The following TRIM33 variants were observed in gnomAD, a reference collection of about 807,000 sequenced individuals.
TRIM33 encodes the protein E3 ubiquitin-protein ligase TRIM33.
TRIM33 carries 20 observed loss-of-function variants against 125.4 expected under a neutral mutation model. The observed-to-expected ratio is 0.16, with a 90% confidence interval of 0.11 to 0.23. The LOEUF (loss-of-function observed/expected upper bound fraction) is 0.23. TRIM33 is among the 10% of genes least tolerant of loss of function. The pLI, the probability that TRIM33 is intolerant of heterozygous loss-of-function variation, is 1.00. For synonymous variants in TRIM33, 564 were observed against 513.9 expected, an observed-to-expected ratio of 1.10 and a Z score of -1.32; for missense variants, 920 against 1,411.4, an observed-to-expected ratio of 0.65 and a Z score of 5.58.
rs1651601833 is a variant in TRIM33, at chr1:114,397,535, C to A, written c.*113G>T. On this transcript the variant is annotated 3_prime_UTR_variant, in exon 20 of 20. Coordinates refer to ENST00000358465, the MANE Select transcript of TRIM33 (RefSeq NM_015906.4). ...AGCTATCAGCTTCTTCAAGGAGGTG[C>A]CCACTGTAGGCAGGATATTCCAGCA... 4 of 715,856 alleles carry A rather than the reference C, an allele frequency of 5.6e-6. No individual in the cohort carries two copies. The allele number at this position is 715,856 out of a possible 1,614,324, so 44.3% of individuals were successfully genotyped here.
In TRIM33 at chr1:114,430,866, T is replaced by C; in HGVS notation, c.1087A>G (p.Lys363Glu). The change falls in exon 6 of 20, where the codon AAA becomes GAA. Residue 363 changes from lysine to glutamate, a missense_variant. Coordinates refer to ENST00000358465, the MANE Select transcript of TRIM33 (RefSeq NM_015906.4). ...TTGATAAGGGTGAAAATGGCCACTT[T>C]AATTTCCTGTTCTACTCGTTTGTTA... is the stretch of plus-strand genomic sequence containing the variant. ...ETNKRVEQEI[K>E]VAIFTLINEI... 1.2e-6 allele frequency: 2 copies of C among 1,609,900 alleles called. No individual in the cohort carries two copies. Among genetic ancestry groups the C allele is most frequent in the Non-Finnish European group, 1.7e-6 (2 of 1,176,352 alleles).
chr1:114,422,196 T>A (rs750678052), intron 10 of TRIM33, among the ~76,000 whole-genome samples: 3 of 152,188 alleles, frequency 2.0e-5, no homozygotes, highest in African/African-American at 7.2e-5. Flanking sequence ...TAAGACAATA[T>A]AGAAGAAAAT....
intron 1 of TRIM33, among the ~76,000 whole-genome samples, chr1:114,470,171 A>G (rs912465329): frequency 6.6e-6 from 1 of 152,208 alleles, no homozygotes; most frequent in Non-Finnish European, 1.5e-5. Context: ...GAAGTTATAC[A>G]GGAATATCTT....
At chr1:114,413,046 T>A (rs1413321530) in intron 11 of TRIM33, among the ~76,000 whole-genome samples, 1 of 152,230 alleles carries the variant, frequency 6.6e-6, no homozygotes, top group Non-Finnish European at 1.5e-5. Flanking sequence ...ATTTTAGCCA[T>A]CCTAATAAGT....
chr1:114,485,001 G>A (rs527901621), intron 1 of TRIM33, among the ~76,000 whole-genome samples: 2 of 150,936 alleles, frequency 1.3e-5, no homozygotes, highest in Non-Finnish European at 3.0e-5. Context: ...GCAGTGAGCC[G>A]AGATCACACC....
intron 4 of TRIM33, among the ~76,000 whole-genome samples, chr1:114,449,455 T>A (rs1360120684): frequency 6.6e-6 from 1 of 152,038 alleles, no homozygotes; most frequent in African/African-American, 2.4e-5. Context: ...CTCTCTTGGG[T>A]AACAGAAAAA....
chr1:114,485,429 T>G (rs1032016561), intron 1 of TRIM33, among the ~76,000 whole-genome samples: 3 of 152,128 alleles, frequency 2.0e-5, no homozygotes, highest in African/African-American at 7.2e-5. Flanking sequence ...TTCTTATCCC[T>G]TTGCCTGGTA....
chr1:114,445,606 C>T (rs1212929220), intron 4 of TRIM33, among the ~76,000 whole-genome samples: 1 of 151,924 alleles, frequency 6.6e-6, no homozygotes, highest in African/African-American at 2.4e-5. Flanking sequence ...TCAGCGAACG[C>T]CACAGAGGAT....
In TRIM33 at chr1:114,511,114, C is replaced by A. The variant is rs1011123191; in HGVS notation, c.-38G>T. On this transcript the variant is annotated 5_prime_UTR_variant, in exon 1 of 20. Coordinates refer to ENST00000358465, the MANE Select transcript of TRIM33 (RefSeq NM_015906.4). ...GAACCCGCCGGACCGCCCCGCGCCG[C>A]CCGCCGCCCGCGTCGCCGCCGCCGC... 4 of 1,133,740 alleles carry A rather than the reference C, an allele frequency of 3.5e-6. No individual in the cohort carries two copies. The highest frequency in any genetic ancestry group is 9.8e-5 in the Admixed American group (2 of 20,378). 70.2% of individuals were successfully genotyped at this position (1,133,740 alleles called of 1,614,324 possible). A position where few individuals can be genotyped will look rare whatever the true frequency, so the allele number is the denominator to read the frequency against.
chr1:114,441,572 T>A (rs1393982564), intron 4 of TRIM33, among the ~76,000 whole-genome samples: 1 of 152,186 alleles, frequency 6.6e-6, no homozygotes, highest in East Asian at 1.9e-4. Flanking sequence ...AGATAGGAAC[T>A]AGGCATGCAC....
chr1:114,475,443 A>C (rs1469045515), intron 1 of TRIM33, among the ~76,000 whole-genome samples: 1 of 152,222 alleles, frequency 6.6e-6, no homozygotes, highest in Admixed American at 6.5e-5. Context: ...GCACTTTGGG[A>C]GGCCAAGGCA....
At chr1:114,415,294 G>C (rs1340698948) in intron 11 of TRIM33, among the ~76,000 whole-genome samples, 1 of 151,994 alleles carries the variant, frequency 6.6e-6, no homozygotes, top group South Asian at 2.1e-4. Flanking sequence ...CTGCACCCAG[G>C]TTTAAGAGAG....
intron 1 of TRIM33, 55 bp downstream of exon 1, chr1:114,510,496 C>T: frequency 7.0e-7 from 1 of 1,431,766 alleles, no homozygotes; most frequent in Non-Finnish European, 9.1e-7. Context: ...CCCAGCTCCT[C>T]TAGGGTTGCG....
At chr1:114,495,416 C>T (rs1316594044) in intron 1 of TRIM33, among the ~76,000 whole-genome samples, 1 of 152,106 alleles carries the variant, frequency 6.6e-6, no homozygotes, top group African/African-American at 2.4e-5. Context: ...AATATTATCA[C>T]CCTGAAATAA....
At chr1:114,472,776 T>C (rs557775040) in intron 1 of TRIM33, among the ~76,000 whole-genome samples, 2 of 152,114 alleles carry the variant, frequency 1.3e-5, no homozygotes, top group Non-Finnish European at 2.9e-5. Flanking sequence ...GTGGCTCTTA[T>C]AAAAATTCAC....
chr1:114,397,915 A>C, intron 19 of TRIM33, 25 bp downstream of exon 19: 1 of 1,613,868 alleles, frequency 6.2e-7, no homozygotes, highest in Non-Finnish European at 8.5e-7. Flanking sequence ...TCCTTCACCA[A>C]GTTTGCATGG....
chr1:114,454,037 C>A (rs1649485458), intron 4 of TRIM33, among the ~76,000 whole-genome samples: 1 of 152,168 alleles, frequency 6.6e-6, no homozygotes, highest in Non-Finnish European at 1.5e-5. Flanking sequence ...GCAGTGAGTT[C>A]TGTAAATTCT....
intron 4 of TRIM33, among the ~76,000 whole-genome samples, chr1:114,434,120 T>C (rs1006863175): frequency 8.5e-5 from 13 of 152,178 alleles, no homozygotes; most frequent in African/African-American, 3.1e-4. Flanking sequence ...CATCACAAAA[T>C]TACTGCTACC....
chr1:114,410,807 A>T (rs1173666182), intron 11 of TRIM33, among the ~76,000 whole-genome samples: 1 of 152,100 alleles, frequency 6.6e-6, no homozygotes, highest in Non-Finnish European at 1.5e-5. Flanking sequence ...TTAACAGTAC[A>T]TATGAGCCCT....
Sources: allele counts gnomAD v4.1 joint callset (sites outside exome capture counted in the v4.1 genomes callset), GRCh38; gene constraint gnomAD v4.1.1; transcripts MANE v1.5; gene names NCBI Gene and HGNC (gene_info 2026-07-23, HGNC 2026-07-21).